Variants in GRIK4 observed in about 807,000 individuals in gnomAD.
GRIK4 encodes glutamate receptor ionotropic, kainate 4.
A neutral mutation model predicts 104.9 loss-of-function variants in GRIK4; 40 were observed. The ratio of observed to expected loss-of-function variants is 0.38; its 90% CI spans 0.30 to 0.50. The LOEUF (loss-of-function observed/expected upper bound fraction) is 0.50, where lower values mean the gene tolerates loss of function less well. Among genes scored for constraint, GRIK4 ranks in the 20% least tolerant of loss-of-function variants. GRIK4 has a pLI of 0.93. For missense variants in GRIK4, 1,047 were observed against 1,308.1 expected (o/e 0.80, Z 3.08); for synonymous variants, 485 against 524.9 (o/e 0.92, Z 1.04).
intron 11 of GRIK4, among the ~76,000 whole-genome samples, chr11:120,890,705 C>G (rs977709944): frequency 6.6e-6 from 1 of 152,192 alleles, no homozygotes; most frequent in Non-Finnish European, 1.5e-5. Flanking sequence ...TTATTGTTGT[C>G]TGAAGTACCT....
At chr11:120,677,683 C>G (rs1309396042) in intron 3 of GRIK4, among the ~76,000 whole-genome samples, 3 of 152,210 alleles carry the variant, frequency 2.0e-5, no homozygotes, top group Non-Finnish European at 2.9e-5. Context: ...GAGACATCAG[C>G]TCTGGAGTTA....
intron 3 of GRIK4, among the ~76,000 whole-genome samples, chr11:120,672,967 A>G (rs1950044853): frequency 6.6e-6 from 1 of 152,172 alleles, no homozygotes; most frequent in African/African-American, 2.4e-5. Context: ...ACTATGTTGA[A>G]TAGGAGTGGT....
intron 3 of GRIK4, among the ~76,000 whole-genome samples, chr11:120,800,011 CTTTT>C (rs527634022): frequency 7.2e-6 from 1 of 139,470 alleles, no homozygotes. Context: ...CCATGCCTGG[CTTTT>C]TTTTTTTTTT....
intron 1 of GRIK4, among the ~76,000 whole-genome samples, chr11:120,523,371 G>T (rs1289598440): frequency 6.6e-6 from 1 of 152,064 alleles, no homozygotes; most frequent in Non-Finnish European, 1.5e-5. Context: ...GAGCTGTGGG[G>T]TGGCGGCTGC....
At chr11:120,891,492 C>T (rs1013188833) in intron 11 of GRIK4, among the ~76,000 whole-genome samples, 9 of 152,116 alleles carry the variant, frequency 5.9e-5, no homozygotes, top group Admixed American at 1.3e-4. Context: ...AGATTCAGGA[C>T]GTTTAAAATC....
chr11:120,520,975 G>A (rs1005329722), intron 1 of GRIK4, among the ~76,000 whole-genome samples: 3 of 152,174 alleles, frequency 2.0e-5, no homozygotes, highest in Middle Eastern at 3.2e-3. Flanking sequence ...GGGTTTGGGC[G>A]GGGCACGGGA....
chr11:120,628,791 C>A (rs12292151), intron 1 of GRIK4, among the ~76,000 whole-genome samples: 41,436 of 152,078 alleles, frequency 0.27, 5,774 homozygotes, highest in East Asian at 0.32. Flanking sequence ...ACCTCATGCT[C>A]AGTTCTCTGT....
chr11:120,556,372 C>T (rs1409990426), intron 1 of GRIK4, among the ~76,000 whole-genome samples: 2 of 152,178 alleles, frequency 1.3e-5, no homozygotes, highest in Non-Finnish European at 2.9e-5. Flanking sequence ...GTCCTCTCTC[C>T]ACTCCCCCAG....
intron 3 of GRIK4, among the ~76,000 whole-genome samples, chr11:120,663,934 C>T (rs1312366449): frequency 6.6e-6 from 1 of 152,194 alleles, no homozygotes; most frequent in Non-Finnish European, 1.5e-5. Context: ...CCCCCATTCC[C>T]CCAGCACATA....
intron 1 of GRIK4, among the ~76,000 whole-genome samples, chr11:120,570,110 G>A (rs1267047655): frequency 2.0e-5 from 3 of 152,198 alleles, no homozygotes; most frequent in African/African-American, 7.2e-5. Context: ...AGACCGCCAG[G>A]GCGAGATGAA....
intron 1 of GRIK4, among the ~76,000 whole-genome samples, chr11:120,652,824 G>A (rs977482574): frequency 3.3e-5 from 5 of 152,170 alleles, no homozygotes; most frequent in African/African-American, 1.2e-4. Context: ...GAGACCAGCG[G>A]AGGGACTGCT....
At chr11:120,727,132 G>A (rs547386469) in intron 3 of GRIK4, among the ~76,000 whole-genome samples, 4 of 152,178 alleles carry the variant, frequency 2.6e-5, no homozygotes, top group Non-Finnish European at 5.9e-5. Flanking sequence ...CTGCAGTTGG[G>A]AGGGGTTTGG....
At chr11:120,676,219 A>T (rs1260788122) in intron 3 of GRIK4, among the ~76,000 whole-genome samples, 1 of 152,104 alleles carries the variant, frequency 6.6e-6, no homozygotes, top group African/African-American at 2.4e-5. Flanking sequence ...TCACAAGCTC[A>T]CTGAGCTCAG....
At chr11:120,977,637 C>G (rs901716626) in intron 19 of GRIK4, among the ~76,000 whole-genome samples, 2 of 152,222 alleles carry the variant, frequency 1.3e-5, no homozygotes, top group African/African-American at 2.4e-5. Flanking sequence ...GAGGAGGCCA[C>G]TCAGCCAGGA....
chr11:120,708,180 A>G (rs969037969), intron 3 of GRIK4, among the ~76,000 whole-genome samples: 5 of 152,200 alleles, frequency 3.3e-5, no homozygotes. Context: ...CCACATACTT[A>G]GAACCCTGAG....
intron 18 of GRIK4, among the ~76,000 whole-genome samples, chr11:120,964,542 C>G (rs913341287): frequency 6.6e-6 from 1 of 152,072 alleles, no homozygotes; most frequent in Non-Finnish European, 1.5e-5. Context: ...AAGATGGTAG[C>G]GTGAACTGCA....
intron 13 of GRIK4, among the ~76,000 whole-genome samples, chr11:120,921,740 C>T (rs1943232874): frequency 6.6e-6 from 1 of 152,144 alleles, no homozygotes; most frequent in Non-Finnish European, 1.5e-5. Context: ...CCTCCTCTCT[C>T]CATGGGGTGG....
intron 14 of GRIK4, among the ~76,000 whole-genome samples, chr11:120,950,565 T>G (rs1260341771): frequency 6.6e-6 from 1 of 152,226 alleles, no homozygotes; most frequent in Admixed American, 6.5e-5. Context: ...GTGGAATTCA[T>G]GCACATTTAC....
In GRIK4 at chr11:120,597,182, C is replaced by T. The variant is rs182103314; in HGVS notation, c.-158-56503C>T. ...GCCCCAGGTAGCTTTGTTCTTGGGC[C>T]CCTGGATGCCAGAGGCAGCTCCACT... is the stretch of plus-strand genomic sequence containing the variant. On this transcript the variant is annotated intron_variant, in intron 1 of 20. Coordinates refer to ENST00000527524, the MANE Select transcript of GRIK4 (RefSeq NM_014619.5). Among the ~76,000 whole-genome samples, 28 of 148,312 alleles carry T rather than the reference C, an allele frequency of 1.9e-4. No individual in the cohort carries two copies. The East Asian group carries it at 5.5e-3, about 29-fold the overall frequency.
Sources: allele counts gnomAD v4.1 joint callset (sites outside exome capture counted in the v4.1 genomes callset), GRCh38; gene constraint gnomAD v4.1.1; transcripts MANE v1.5; gene names NCBI Gene and HGNC (gene_info 2026-07-23, HGNC 2026-07-21).